The following RIC3 variants were observed in gnomAD, a reference collection of about 807,000 sequenced individuals.
RIC3 encodes the protein RIC3 acetylcholine receptor chaperone.
A neutral mutation model predicts 27.3 loss-of-function variants in RIC3; 28 were observed. That is an observed-to-expected ratio of 1.02 (90% CI 0.76 to 1.41). RIC3 has a LOEUF of 1.41. Ranked by LOEUF, RIC3 falls within the 40% of genes most tolerant of loss-of-function variation. RIC3 has a pLI of 0.00. For synonymous variants in RIC3, 184 were observed against 160.4 expected (o/e 1.15, Z -1.11); for missense variants, 501 against 444.7 (o/e 1.13, Z -1.14).
At chr11:8,146,869 A>G (rs1949733634) in intron 1 of RIC3, among the ~76,000 whole-genome samples, 1 of 152,208 alleles carries the variant, frequency 6.6e-6, no homozygotes, top group Non-Finnish European at 1.5e-5. Context: ...CCTGGCGACC[A>G]GGTTTTTCAA....
chr11:8,106,558 T>G lies in RIC3; in HGVS notation c.*4140A>C, dbSNP rs1178946715. Reference sequence around the variant, plus strand: ...GGGCTGGTGGTTCCTCAGTATCCCCTGTGGGCCTGGCCTTAGGAAGAGAAC... The same window carrying G: ...GGGCTGGTGGTTCCTCAGTATCCCCGGTGGGCCTGGCCTTAGGAAGAGAAC... On this transcript the variant is annotated 3_prime_UTR_variant, in exon 6 of 6. Transcript: ENST00000309737. 1 of 152,286 alleles carries G rather than the reference T, an allele frequency of 6.6e-6. No homozygotes were observed. The highest frequency in any genetic ancestry group is 1.9e-4 in the East Asian group (1 of 5,204). 9.4% of individuals were successfully genotyped at this position (152,286 alleles called of 1,614,324 possible).
At chr11:8,167,346 G>T (rs1334970622) in intron 1 of RIC3, among the ~76,000 whole-genome samples, 1 of 152,134 alleles carries the variant, frequency 6.6e-6, no homozygotes, top group East Asian at 1.9e-4. Context: ...GAGAATGATG[G>T]GAGAAAAGAG....
At chr11:8,115,344 G>A (rs1043192300) in intron 5 of RIC3, among the ~76,000 whole-genome samples, 1 of 151,496 alleles carries the variant, frequency 6.6e-6, no homozygotes, top group African/African-American at 2.4e-5. Context: ...CAAGAATATT[G>A]TAGTTGGCAA....
chr11:8,168,761 A>G (rs2134447314), intron 1 of RIC3, 105 bp downstream of exon 1: 2 of 1,457,448 alleles, frequency 1.4e-6, no homozygotes, highest in African/African-American at 1.4e-5. Context: ...AGTTTGGTGG[A>G]TATTTCGGTG....
At chr11:8,101,497 G>A (rs527582687), downstream of RIC3, 94 of 1,614,180 alleles carry the variant, frequency 5.8e-5, no homozygotes, top group Admixed American at 2.7e-4. Flanking sequence ...GGACTACATC[G>A]TGATGCAGTT....
intron 1 of RIC3, among the ~76,000 whole-genome samples, chr11:8,141,150 C>T (rs1949013536): frequency 6.7e-6 from 1 of 150,316 alleles, no homozygotes; most frequent in Admixed American, 6.6e-5. Flanking sequence ...CAGCTAACAT[C>T]ATAATGACAG....
intron 1 of RIC3, among the ~76,000 whole-genome samples, chr11:8,143,983 A>G (rs1949368442): frequency 6.6e-6 from 1 of 152,226 alleles, no homozygotes; most frequent in African/African-American, 2.4e-5. Context: ...CATATGTAGA[A>G]AGCTGAAACT....
intron 1 of RIC3, among the ~76,000 whole-genome samples, chr11:8,154,723 TCA>T (rs1040341057): frequency 1.3e-5 from 2 of 152,132 alleles, no homozygotes; most frequent in Admixed American, 6.5e-5. Flanking sequence ...ATGTTCTAGT[TCA>T]CAGTTACATT....
rs549205834 is a variant in RIC3, at chr11:8,154,661, CCT to C, written c.124+14203_124+14204del. 1.3e-4 allele frequency among the ~76,000 whole-genome samples: 20 copies of C among 151,950 alleles called. No homozygotes were observed. The East Asian group carries it at 3.5e-3, about 26-fold the overall frequency. ...ATGACCATATTATAATTTATTTACC[CCT>C]TTTTCTGCTGATAAACATTTAGATT... On this transcript the variant is annotated intron_variant, in intron 1 of 5. Coordinates refer to ENST00000309737, the MANE Select transcript of RIC3 (RefSeq NM_001206671.4).
At chr11:8,137,586 T>A (rs939866734) in intron 3 of RIC3, 115 bp from the exon 4 acceptor site, 1 of 630,982 alleles carries the variant, frequency 1.6e-6, no homozygotes, top group African/African-American at 1.8e-5. Context: ...ACTATCTCAT[T>A]GAAGAACACC....
chr11:8,143,660 C>T (rs1390656931), intron 1 of RIC3, among the ~76,000 whole-genome samples: 1 of 151,976 alleles, frequency 6.6e-6, no homozygotes, highest in African/African-American at 2.4e-5. Flanking sequence ...ACTTTCTTCA[C>T]AGAATTGGAA....
intron 4 of RIC3, among the ~76,000 whole-genome samples, chr11:8,129,342 A>G (rs1947395413): frequency 6.6e-6 from 1 of 152,102 alleles, no homozygotes; most frequent in South Asian, 2.1e-4. Flanking sequence ...TTGACCCAGT[A>G]TTACAGATTA....
At chr11:8,132,882 A>G (rs1327321136) in intron 4 of RIC3, among the ~76,000 whole-genome samples, 1 of 152,228 alleles carries the variant, frequency 6.6e-6, no homozygotes, top group East Asian at 1.9e-4. Context: ...ACAGACTTGT[A>G]AAAGAACAAA....
rs183207627 is a variant in RIC3 at position 8,157,003 on chromosome 11, G to A, written c.124+11863C>T. On this transcript the variant is annotated intron_variant, in intron 1 of 5. Coordinates refer to ENST00000309737, the MANE Select transcript of RIC3 (RefSeq NM_001206671.4). ...AGCAGCCTCTAACATCTAAAAGTTGGCCTGGTATTATCAACTAGGCATTAA... is the reference window on the plus strand; with the variant it reads ...AGCAGCCTCTAACATCTAAAAGTTGACCTGGTATTATCAACTAGGCATTAA... Among the ~76,000 whole-genome samples, 402 of 152,230 alleles carry A rather than the reference G, an allele frequency of 2.6e-3. 3 individuals carry two copies. Among genetic ancestry groups the A allele is most frequent in the African/African-American group, 9.4e-3 (390 of 41,538 alleles).
chr11:8,134,151 T>C (rs1049755190), intron 4 of RIC3, among the ~76,000 whole-genome samples: 15 of 152,218 alleles, frequency 9.9e-5, no homozygotes, highest in African/African-American at 2.9e-4. Context: ...CCCACTCCCC[T>C]CAGCCCACAA....
At chr11:8,142,296 A>G (rs1949169771) in intron 1 of RIC3, among the ~76,000 whole-genome samples, 1 of 144,446 alleles carries the variant, frequency 6.9e-6, no homozygotes, top group African/African-American at 2.7e-5. Context: ...TAATAAAGAA[A>G]AAAAGAGAGA....
At chr11:8,153,781 C>T (rs1950442324) in intron 1 of RIC3, among the ~76,000 whole-genome samples, 1 of 152,186 alleles carries the variant, frequency 6.6e-6, no homozygotes, top group Non-Finnish European at 1.5e-5. Flanking sequence ...ATGTCTACCA[C>T]CTCAAGCCTA....
intron 4 of RIC3, among the ~76,000 whole-genome samples, chr11:8,133,354 T>A (rs976022239): frequency 2.0e-5 from 3 of 152,204 alleles, no homozygotes; most frequent in Non-Finnish European, 4.4e-5. Flanking sequence ...TACGAACATA[T>A]GGGCTGCCTA....
intron 1 of RIC3, among the ~76,000 whole-genome samples, chr11:8,168,208 G>T (rs1016107452): frequency 6.6e-6 from 1 of 152,186 alleles, no homozygotes; most frequent in Non-Finnish European, 1.5e-5. Flanking sequence ...GTGCAGCTAA[G>T]AGGATGAATT....
Sources: allele counts gnomAD v4.1 joint callset (sites outside exome capture counted in the v4.1 genomes callset), GRCh38; gene constraint gnomAD v4.1.1; transcripts MANE v1.5; gene names NCBI Gene and HGNC (gene_info 2026-07-23, HGNC 2026-07-21).